The following LOC128092252 variants were observed in gnomAD, a reference collection of about 807,000 sequenced individuals.
At chr15:50,662,861 A>G in the LOC128092252 span, 5 of 808,466 alleles carry the variant, frequency 6.2e-6, no homozygotes, top group African/African-American at 3.5e-5. Flanking sequence ...AAGTAACAGT[A>G]AGTACAAATA....
the LOC128092252 span, among the ~76,000 whole-genome samples, chr15:50,665,418 T>C: frequency 1.7e-3 from 252 of 150,764 alleles, no homozygotes; most frequent in Middle Eastern, 3.5e-3. Flanking sequence ...AAATTGATCA[T>C]GTGCTTGACC....
the LOC128092252 span, among the ~76,000 whole-genome samples, chr15:50,681,559 C>G: frequency 6.6e-6 from 1 of 152,196 alleles, no homozygotes; most frequent in Non-Finnish European, 1.5e-5. Flanking sequence ...CAGCATACTA[C>G]CAAACTGCCA....
chr15:50,683,262 T>C, the LOC128092252 span, among the ~76,000 whole-genome samples: 1 of 151,786 alleles, frequency 6.6e-6, no homozygotes, highest in Non-Finnish European at 1.5e-5. Flanking sequence ...TTTACTTATA[T>C]GTTGAAAGAT....
the LOC128092252 span, among the ~76,000 whole-genome samples, chr15:50,663,501 AC>A: frequency 1.3e-5 from 2 of 152,204 alleles, no homozygotes; most frequent in East Asian, 1.9e-4. Context: ...GCACCCCAAA[AC>A]GTCAGAATAA....
At chr15:50,652,363 A>G in the LOC128092252 span, among the ~76,000 whole-genome samples, 7 of 148,772 alleles carry the variant, frequency 4.7e-5, no homozygotes, top group African/African-American at 1.5e-4. Context: ...AAAGAACACA[A>G]TGAAACAGAA....
the LOC128092252 span, among the ~76,000 whole-genome samples, chr15:50,682,975 C>A: frequency 6.6e-6 from 1 of 151,600 alleles, no homozygotes; most frequent in Non-Finnish European, 1.5e-5. Context: ...CAGCTCACTG[C>A]AACCTCAAGC....
At chr15:50,650,978 C>G in the LOC128092252 span, among the ~76,000 whole-genome samples, 1 of 152,112 alleles carries the variant, frequency 6.6e-6, no homozygotes, top group Non-Finnish European at 1.5e-5. Context: ...TGCTTGAGCC[C>G]AGGAGTTTAG....
chr15:50,671,022 C>T, the LOC128092252 span, among the ~76,000 whole-genome samples: 2 of 152,076 alleles, frequency 1.3e-5, no homozygotes, highest in African/African-American at 4.8e-5. Flanking sequence ...CTAAATCGAG[C>T]TAATTATCAT....
the LOC128092252 span, among the ~76,000 whole-genome samples, chr15:50,680,581 A>C: frequency 1.0e-3 from 157 of 152,080 alleles, 1 homozygote; most frequent in Non-Finnish European, 1.6e-3. Flanking sequence ...AAAAAAAAAA[A>C]ACAAAAACCA....
chr15:50,649,178 C>T, the LOC128092252 span, among the ~76,000 whole-genome samples: 11 of 152,020 alleles, frequency 7.2e-5, no homozygotes, highest in African/African-American at 2.2e-4. Flanking sequence ...GTGGCTCACG[C>T]GGGTAATCCC....
chr15:50,679,538 A>ATATATATATATAT, the LOC128092252 span, among the ~76,000 whole-genome samples: 1 of 43,904 alleles, frequency 2.3e-5, no homozygotes, highest in African/African-American at 1.1e-4. Flanking sequence ...ATATATATAT[A>ATATATATATATAT]TTTTTTTTTT....
the LOC128092252 span, among the ~76,000 whole-genome samples, chr15:50,653,096 A>T: frequency 6.6e-6 from 1 of 152,152 alleles, no homozygotes; most frequent in African/African-American, 2.4e-5. Flanking sequence ...GTCTGCAGTG[A>T]CTGTGACACT....
chr15:50,665,743 C>T, the LOC128092252 span, among the ~76,000 whole-genome samples: 1 of 152,048 alleles, frequency 6.6e-6, no homozygotes, highest in Non-Finnish European at 1.5e-5. Flanking sequence ...GCCTGTAATC[C>T]CAGCACTTTG....
the LOC128092252 span, among the ~76,000 whole-genome samples, chr15:50,678,258 C>CAAA: frequency 1.8e-5 from 2 of 111,462 alleles, 1 homozygote; most frequent in Non-Finnish European, 4.0e-5. Context: ...AAAACAAAAA[C>CAAA]AAAAACAAAA....
the LOC128092252 span, among the ~76,000 whole-genome samples, chr15:50,673,176 A>T: frequency 6.6e-6 from 1 of 151,798 alleles, no homozygotes; most frequent in African/African-American, 2.4e-5. Context: ...TTCACTCACC[A>T]CTCACTCACT....
chr15:50,680,010 G>A, the LOC128092252 span, among the ~76,000 whole-genome samples: 1 of 152,014 alleles, frequency 6.6e-6, no homozygotes, highest in Non-Finnish European at 1.5e-5. Context: ...AAGGTGGGTG[G>A]ATCACTTGAG....
At chr15:50,679,539 T>TATATATATATATATA in the LOC128092252 span, among the ~76,000 whole-genome samples, 3 of 22,304 alleles carry the variant, frequency 1.3e-4, no homozygotes, top group Admixed American at 4.8e-4. Flanking sequence ...TATATATATA[T>TATATATATATATATA]TTTTTTTTTT....
the LOC128092252 span, among the ~76,000 whole-genome samples, chr15:50,683,311 A>G: frequency 6.6e-6 from 1 of 152,160 alleles, no homozygotes; most frequent in Non-Finnish European, 1.5e-5. Flanking sequence ...CCAGAATGAA[A>G]TAATAGATCA....
chr15:50,683,437 TA>T, the LOC128092252 span, among the ~76,000 whole-genome samples: 3,345 of 143,754 alleles, frequency 0.023, 117 homozygotes, highest in African/African-American at 0.073. Context: ...TCTTAACATT[TA>T]AAAAAAAAAA....
Sources: allele counts gnomAD v4.1 joint callset (sites outside exome capture counted in the v4.1 genomes callset), GRCh38; gene constraint gnomAD v4.1.1; transcripts MANE v1.5.